The following SOX11 variants were observed in gnomAD, a reference collection of about 807,000 sequenced individuals.
The protein encoded by SOX11 is SRY-box transcription factor 11.
Under a neutral mutation model 16.7 loss-of-function variants are expected in SOX11, and 5 were observed. The ratio of observed to expected loss-of-function variants is 0.30; its 90% CI spans 0.16 to 0.63. The LOEUF (loss-of-function observed/expected upper bound fraction) is 0.63. Ranked by LOEUF, SOX11 falls within the 20% of genes least tolerant of loss-of-function variation. The pLI, the probability that SOX11 is intolerant of heterozygous loss-of-function variation, is 0.82. For synonymous variants in SOX11, 363 were observed against 298.8 expected (o/e 1.21, Z -2.22); for missense variants, 492 against 641.5 (o/e 0.77, Z 2.52).
rs1211467446 is a variant in SOX11 at position 5,700,657 on chromosome 2, G to T, written c.*6610G>T. 1 of 166,960 alleles carries T rather than the reference G, an allele frequency of 6.0e-6. No homozygotes were observed. Among genetic ancestry groups the T allele is most frequent in the Non-Finnish European group, 1.5e-5 (1 of 68,096 alleles). 10.3% of individuals were successfully genotyped at this position (166,960 alleles called of 1,614,324 possible). On this transcript the variant is annotated 3_prime_UTR_variant, in exon 1 of 1. Coordinates refer to ENST00000322002, the MANE Select transcript of SOX11 (RefSeq NM_003108.4). ...GTGGGTTTAAGAGTCTTTTGCATTT[G>T]TTCTGTGACACCTTTTTTTGAATTG...
Position 5,693,121 on chromosome 2 carries a change from G to A in SOX11, c.400G>A (p.Ala134Thr), listed in dbSNP as rs749358189. 1 of 1,611,670 alleles carries A rather than the reference G, an allele frequency of 6.2e-7. No individual in the cohort carries two copies. Among genetic ancestry groups the A allele is most frequent in the African/African-American group, 1.3e-5 (1 of 75,014 alleles). ...PKMDPSAKPS[A>T]SQSPEKSAAG... Reference sequence around the variant, plus strand: ...AATGGACCCCTCGGCCAAGCCCAGCGCCAGCCAGAGCCCAGAGAAGAGCGC... The same window carrying A: ...AATGGACCCCTCGGCCAAGCCCAGCACCAGCCAGAGCCCAGAGAAGAGCGC... Residue 134 changes from alanine (A) to threonine (T), a missense_variant, in exon 1 of 1, where the codon GCC becomes ACC. Ala to Thr is a moderately conservative substitution (Grantham distance 58). This residue lies in a region of SOX11 where 389 missense variants were observed against 389.0 expected (regional missense o/e 1.00). Transcript: ENST00000322002. The surrounding 1 kb of genome is among the most constrained non-coding windows in gnomAD (Gnocchi z 8.6).
rs1296218949 is a variant in SOX11 at position 5,700,288 on chromosome 2, A to C, written c.*6241A>C. 1 of 167,070 alleles carries C rather than the reference A, an allele frequency of 6.0e-6. No homozygotes were observed. The highest frequency in any genetic ancestry group is 2.4e-5 in the African/African-American group (1 of 41,448). The allele number at this position is 167,070 out of a possible 1,614,324, so 10.3% of individuals were successfully genotyped here. ...TAGACTTGATTTTTTCTGCTGTGAA[A>C]ATGAAAAAATAAAGCAATATGACAA... is the stretch of plus-strand genomic sequence containing the variant. On this transcript the variant is annotated 3_prime_UTR_variant, in exon 1 of 1. Coordinates refer to ENST00000322002, the MANE Select transcript of SOX11 (RefSeq NM_003108.4).
At position 5,697,314 on chromosome 2, in the gene SOX11, T is replaced by G. The variant is rs1199500917; in HGVS notation, c.*3267T>G. 7 of 167,056 alleles carry G rather than the reference T, an allele frequency of 4.2e-5. No homozygotes were observed. Among genetic ancestry groups the G allele is most frequent in the Non-Finnish European group, 1.0e-4 (7 of 68,144 alleles). 10.3% of individuals were successfully genotyped at this position (167,056 alleles called of 1,614,324 possible). A position where few individuals can be genotyped will look rare whatever the true frequency, so the allele number is the denominator to read the frequency against. On this transcript the variant is annotated 3_prime_UTR_variant, in exon 1 of 1. Coordinates refer to ENST00000322002, the MANE Select transcript of SOX11 (RefSeq NM_003108.4). ...TGATTGACCGAGGTTTGGCCTTCCA[T>G]TTTTACTGAGATTTGGCGAGACCGA...
Position 5,693,281 on chromosome 2 carries a change from A to G in SOX11, c.560A>G (p.Gln187Arg). ...GAKAGAGKAA[Q>R]SGDYGGAGDD... Reference sequence around the variant, plus strand: ...AAGGCGGGCGCGGGCAAGGCGGCCCAGTCCGGGGACTACGGGGGCGCGGGC... The same window carrying G: ...AAGGCGGGCGCGGGCAAGGCGGCCCGGTCCGGGGACTACGGGGGCGCGGGC... Residue 187 changes from glutamine (Q) to arginine (R), a missense_variant, in exon 1 of 1, where the codon CAG (glutamine) becomes CGG (arginine). By Grantham distance (43) the Gln-to-Arg change is conservative. Transcript: ENST00000322002. The surrounding 1 kb of genome is among the most constrained non-coding windows in gnomAD (Gnocchi z 8.6). The G allele has an allele frequency of 6.8e-7, 1 of 1,472,452 alleles. No individual in the cohort carries two copies. 91.2% of individuals were successfully genotyped at this position (1,472,452 alleles called of 1,614,324 possible).
chr2:5,696,904 C>T lies in SOX11; in HGVS notation c.*2857C>T, dbSNP rs766406990. ...GGTGGATCCGCATCTTGATTGTTCT[C>T]CGGGAGCCTCCTGGGGGCTCCGGCG... On this transcript the variant is annotated 3_prime_UTR_variant, in exon 1 of 1. Coordinates refer to ENST00000322002, the MANE Select transcript of SOX11 (RefSeq NM_003108.4). 1.2e-5 allele frequency: 2 copies of T among 161,634 alleles called. No homozygotes were observed. Among genetic ancestry groups the T allele is most frequent in the Non-Finnish European group, 1.5e-5 (1 of 68,092 alleles). 10.0% of individuals were successfully genotyped at this position (161,634 alleles called of 1,614,324 possible). A position where few individuals can be genotyped will look rare whatever the true frequency, so the allele number is the denominator to read the frequency against.
In SOX11 at chr2:5,693,154, G is replaced by C; in HGVS notation, c.433G>C (p.Gly145Arg). 1 of 1,591,588 alleles carries C rather than the reference G, an allele frequency of 6.3e-7. No individual in the cohort carries two copies. Among genetic ancestry groups the C allele is most frequent in the Non-Finnish European group, 8.5e-7 (1 of 1,170,316 alleles). Residue 145 changes from glycine (G) to arginine (R), a missense_variant, in exon 1 of 1, where the codon GGC becomes CGC. Transcript: ENST00000322002. The surrounding 1 kb of genome is among the most constrained non-coding windows in gnomAD (Gnocchi z 8.6). The part of the protein sequence containing the change: ...SQSPEKSAAG[G>R]GGGSAGGGAG... ...GAGCCCAGAGAAGAGCGCGGCCGGC[G>C]GCGGCGGCGGGAGCGCGGGCGGAGG...
Position 5,699,143 on chromosome 2 carries a change from G to T in SOX11, c.*5096G>T, listed in dbSNP as rs190646242. ...AATCTTTATACTCTTTTACTGTGTG[G>T]TTCCCTGCTTTTAACAGATTTCTGA... is the stretch of plus-strand genomic sequence containing the variant. On this transcript the variant is annotated 3_prime_UTR_variant, in exon 1 of 1. Coordinates refer to ENST00000322002, the MANE Select transcript of SOX11 (RefSeq NM_003108.4). 3.1e-4 allele frequency: 52 copies of T among 167,070 alleles called. 1 individual carries two copies. The highest frequency in any genetic ancestry group is 1.8e-3 in the Admixed American group (27 of 15,294). The allele number at this position is 167,070 out of a possible 1,614,324, so 10.3% of individuals were successfully genotyped here. A position where few individuals can be genotyped will look rare whatever the true frequency, so the allele number is the denominator to read the frequency against.
Position 5,693,340 on chromosome 2 carries a change from G to A in SOX11, c.619G>A (p.Gly207Ser). 6.3e-7 allele frequency: 1 copy of A among 1,590,618 alleles called. No homozygotes were observed. The highest frequency in any genetic ancestry group is 8.5e-7 in the Non-Finnish European group (1 of 1,177,156). Residue 207 changes from glycine (G) to serine (S), a missense_variant, in exon 1 of 1, where the codon GGC (glycine) becomes AGC (serine). Gly to Ser is a moderately conservative substitution (Grantham distance 56, BLOSUM62 0). Coordinates refer to ENST00000322002, the MANE Select transcript of SOX11 (RefSeq NM_003108.4). This position sits in a 1 kb window ranked among gnomAD's most constrained non-coding sequence, Gnocchi z 8.6. ...DYVLGSLRVSGSGGGGAGKTV... is the reference protein window; with the variant it reads ...DYVLGSLRVSSSGGGGAGKTV... ...CGTGCTGGGCAGCCTGCGCGTGAGC[G>A]GCTCGGGCGGCGGCGGCGCGGGCAA...
At position 5,694,099 on chromosome 2, in the gene SOX11, T is replaced by C. The variant is rs1572217214; in HGVS notation, c.*52T>C. ...TCGGAGGGTGCAGAGCTGGGTTCCT[T>C]GGGAGGAAGTTGTAGTGGTGATGAT... On this transcript the variant is annotated 3_prime_UTR_variant, in exon 1 of 1. Coordinates refer to ENST00000322002, the MANE Select transcript of SOX11 (RefSeq NM_003108.4). 1 of 1,493,192 alleles carries C rather than the reference T, an allele frequency of 6.7e-7. No individual in the cohort carries two copies. The highest frequency in any genetic ancestry group is 1.4e-5 in the African/African-American group (1 of 69,380). 92.5% of individuals were successfully genotyped at this position (1,493,192 alleles called of 1,614,324 possible).
Position 5,693,121 on chromosome 2 carries a change from G to T in SOX11, c.400G>T (p.Ala134Ser). ...PKMDPSAKPS[A>S]SQSPEKSAAG... ...AATGGACCCCTCGGCCAAGCCCAGC[G>T]CCAGCCAGAGCCCAGAGAAGAGCGC... is the stretch of plus-strand genomic sequence containing the variant. Residue 134 changes from alanine to serine, a missense_variant, in exon 1 of 1, where the codon GCC (alanine) becomes TCC (serine). Around this residue, in one of 4 missense-constraint regions of SOX11, gnomAD observed 389 missense variants for 389.0 expected, o/e 1.00. Transcript: ENST00000322002. This position sits in a 1 kb window ranked among gnomAD's most constrained non-coding sequence, Gnocchi z 8.6. 2 of 1,611,670 alleles carry T rather than the reference G, an allele frequency of 1.2e-6. No individual in the cohort carries two copies. The highest frequency in any genetic ancestry group is 2.7e-5 in the African/African-American group (2 of 75,014).
In SOX11 at chr2:5,693,187, G is replaced by T. The variant is rs1038912868; in HGVS notation, c.466G>T (p.Gly156Cys). The T allele has an allele frequency of 5.8e-6, 9 of 1,544,796 alleles. No individual in the cohort carries two copies. The highest frequency in any genetic ancestry group is 5.2e-6 in the Non-Finnish European group (6 of 1,149,244). ...CGGGAGCGCGGGCGGAGGCGCGGGC[G>T]GTGCCAAGACCTCCAAGGGCTCCAG... The part of the protein sequence containing the change: ...GGGSAGGGAG[G>C]AKTSKGSSKK... The change falls in exon 1 of 1, where the codon GGT becomes TGT. Residue 156 changes from glycine (G) to cysteine (C), a missense_variant. Gly to Cys is a radical substitution (Grantham distance 159, BLOSUM62 -3). Around this residue, in one of 4 missense-constraint regions of SOX11, gnomAD observed 389 missense variants for 389.0 expected, o/e 1.00. Transcript: ENST00000322002. The surrounding 1 kb of genome is among the most constrained non-coding windows in gnomAD (Gnocchi z 8.6).
rs1665799141 is a variant in SOX11, at chr2:5,699,560, C to G, written c.*5513C>G. 6.0e-6 allele frequency: 1 copy of G among 166,844 alleles called. No individual in the cohort carries two copies. The highest frequency in any genetic ancestry group is 1.5e-5 in the Non-Finnish European group (1 of 68,110). 10.3% of individuals were successfully genotyped at this position (166,844 alleles called of 1,614,324 possible). On this transcript the variant is annotated 3_prime_UTR_variant, in exon 1 of 1. Coordinates refer to ENST00000322002, the MANE Select transcript of SOX11 (RefSeq NM_003108.4). ...ACAACATCCCCTTTTATTTAATGAT[C>G]TGGAAAATTCTGCTCTTTGATAACA...
In SOX11 at chr2:5,694,166, C is replaced by A; in HGVS notation, c.*119C>A. On this transcript the variant is annotated 3_prime_UTR_variant, in exon 1 of 1. Coordinates refer to ENST00000322002, the MANE Select transcript of SOX11 (RefSeq NM_003108.4). ...ATGATGATGGTGGTGTTGATGGTGG[C>A]GGTGGTAGGGTGGAGGGGAGAGAAG... is the stretch of plus-strand genomic sequence containing the variant. 1.5e-6 allele frequency: 2 copies of A among 1,302,940 alleles called. No individual in the cohort carries two copies. The highest frequency in any genetic ancestry group is 1.7e-5 in the South Asian group (1 of 60,570). 80.7% of individuals were successfully genotyped at this position (1,302,940 alleles called of 1,614,324 possible). A position where few individuals can be genotyped will look rare whatever the true frequency, so the allele number is the denominator to read the frequency against.
In SOX11 at chr2:5,698,117, C is replaced by T. The variant is rs768490542; in HGVS notation, c.*4070C>T. ...TCTAAATTTAAAACCTGTTAGAACT[C>T]AGGACAGGCGCTTCAATGCGCTTTT... On this transcript the variant is annotated 3_prime_UTR_variant, in exon 1 of 1. Coordinates refer to ENST00000322002, the MANE Select transcript of SOX11 (RefSeq NM_003108.4). 4 of 166,976 alleles carry T rather than the reference C, an allele frequency of 2.4e-5. No individual in the cohort carries two copies. Among genetic ancestry groups the T allele is most frequent in the Admixed American group, 6.5e-5 (1 of 15,290 alleles). The allele number at this position is 166,976 out of a possible 1,614,324, so 10.3% of individuals were successfully genotyped here. A position where few individuals can be genotyped will look rare whatever the true frequency, so the allele number is the denominator to read the frequency against.
At position 5,697,212 on chromosome 2, in the gene SOX11, C is replaced by T; in HGVS notation, c.*3165C>T. 6.0e-6 allele frequency: 1 copy of T among 166,912 alleles called. No individual in the cohort carries two copies. The allele number at this position is 166,912 out of a possible 1,614,324, so 10.3% of individuals were successfully genotyped here. A position where few individuals can be genotyped will look rare whatever the true frequency, so the allele number is the denominator to read the frequency against. The stretch of plus-strand genomic sequence containing the variant: ...CGGAGTTCAGCCTCCCGAGCTGCGG[C>T]GCCCGCAGCGGAGGAGGTTTTCAGT... On this transcript the variant is annotated 3_prime_UTR_variant, in exon 1 of 1. Transcript: ENST00000322002.
rs760291564 is a variant in SOX11 at position 5,694,026 on chromosome 2, C to G, written c.1305C>G (p.Ser435=). 8 of 1,550,848 alleles carry G rather than the reference C, an allele frequency of 5.2e-6. No homozygotes were observed. The highest frequency in any genetic ancestry group is 7.0e-6 in the Non-Finnish European group (8 of 1,146,856). Residue 435 remains serine, a synonymous_variant, in exon 1 of 1, where the codon TCC becomes TCG. Coordinates refer to ENST00000322002, the MANE Select transcript of SOX11 (RefSeq NM_003108.4). ...IAGDWLEANF[S]DLVFTY is the part of the protein sequence containing the mutation. ...GGGACTGGCTGGAGGCGAACTTCTC[C>G]GACCTGGTGTTCACATATTGAAAGG...
chr2:5,693,343 T>A lies in SOX11; in HGVS notation c.622T>A (p.Ser208Thr), dbSNP rs1665670402. 1 of 1,581,986 alleles carries A rather than the reference T, an allele frequency of 6.3e-7. No individual in the cohort carries two copies. The highest frequency in any genetic ancestry group is 8.5e-7 in the Non-Finnish European group (1 of 1,174,616). Residue 208 changes from serine to threonine, a missense_variant, in exon 1 of 1, where the codon TCG becomes ACG. Ser to Thr is a moderately conservative substitution (Grantham distance 58, BLOSUM62 1). Coordinates refer to ENST00000322002, the MANE Select transcript of SOX11 (RefSeq NM_003108.4). This position sits in a 1 kb window ranked among gnomAD's most constrained non-coding sequence, Gnocchi z 8.6. ...YVLGSLRVSGSGGGGAGKTVK... is the reference protein window; with the variant it reads ...YVLGSLRVSGTGGGGAGKTVK... ...GCTGGGCAGCCTGCGCGTGAGCGGC[T>A]CGGGCGGCGGCGGCGCGGGCAAGAC...
Position 5,692,661 on chromosome 2 carries a change from A to AG in SOX11, c.-56dup. On this transcript the variant is annotated 5_prime_UTR_variant, in exon 1 of 1. Coordinates refer to ENST00000322002, the MANE Select transcript of SOX11 (RefSeq NM_003108.4). Reference sequence around the variant, plus strand: ...AGGAAGGTGGAGGGGTGGGAGGGGGAGGGGGACCTCCGCACGAGACCCAGC... The same window carrying AG: ...AGGAAGGTGGAGGGGTGGGAGGGGGAGGGGGGACCTCCGCACGAGACCCAGC... 8.2e-7 allele frequency: 1 copy of AG among 1,216,556 alleles called. No individual in the cohort carries two copies. 75.4% of individuals were successfully genotyped at this position (1,216,556 alleles called of 1,614,324 possible). A position where few individuals can be genotyped will look rare whatever the true frequency, so the allele number is the denominator to read the frequency against.
In SOX11 at chr2:5,699,067, T is replaced by C. The variant is rs1039004802; in HGVS notation, c.*5020T>C. On this transcript the variant is annotated 3_prime_UTR_variant, in exon 1 of 1. Coordinates refer to ENST00000322002, the MANE Select transcript of SOX11 (RefSeq NM_003108.4). ...TTACTTTTCTTCTAATGGGCATATG[T>C]ATCCTTGTGGACACTTTGAGAGAGG... 5 of 167,072 alleles carry C rather than the reference T, an allele frequency of 3.0e-5. No individual in the cohort carries two copies. Among genetic ancestry groups the C allele is most frequent in the Non-Finnish European group, 7.3e-5 (5 of 68,118 alleles). The allele number at this position is 167,072 out of a possible 1,614,324, so 10.3% of individuals were successfully genotyped here.
Sources: gnomAD v4.1 joint callset for allele counts on GRCh38, gnomAD v4.1.1 for gene constraint, gnomAD v4.1.1 regional missense constraint, Gnocchi (gnomAD v3.1) non-coding constraint, MANE v1.5 for transcripts, NCBI Gene and HGNC (gene_info 2026-07-23, HGNC 2026-07-21) for gene names.